KAZN: variants seen among roughly 807,000 people sequenced by gnomAD.
KAZN encodes kazrin.
KAZN carries 40 observed loss-of-function variants against 87.4 expected under a neutral mutation model. That is an observed-to-expected ratio of 0.46 (90% CI 0.36 to 0.60). The LOEUF (loss-of-function observed/expected upper bound fraction) is 0.60, where lower values mean the gene tolerates loss of function less well. KAZN is among the 20% of genes least tolerant of loss of function. The pLI, the probability that KAZN is intolerant of heterozygous loss-of-function variation, is 0.00. For synonymous variants in KAZN, 466 were observed against 458.3 expected (o/e 1.02, Z -0.22); for missense variants, 898 against 1,073.9 (o/e 0.84, Z 2.29).
At chr1:14,067,772 C>A (rs1428467209) in intron 1 of KAZN, among the ~76,000 whole-genome samples, 1 of 152,172 alleles carries the variant, frequency 6.6e-6, no homozygotes, top group African/African-American at 2.4e-5. Flanking sequence ...AGTTCTGGGG[C>A]AACCACAGCT....
chr1:14,360,302 A>G (rs879887045), intron 2 of KAZN, among the ~76,000 whole-genome samples: 2 of 152,148 alleles, frequency 1.3e-5, no homozygotes, highest in African/African-American at 2.4e-5. Context: ...GGTCATTTAC[A>G]TTCTTCTATA....
chr1:14,647,339 T>C (rs978859313), intron 1 of KAZN, among the ~76,000 whole-genome samples: 1 of 152,226 alleles, frequency 6.6e-6, no homozygotes. Flanking sequence ...CTAAATTTTC[T>C]GCTTCACACA....
At chr1:14,886,893 G>A (rs1236763668) in intron 1 of KAZN, among the ~76,000 whole-genome samples, 5 of 152,156 alleles carry the variant, frequency 3.3e-5, no homozygotes, top group African/African-American at 1.2e-4. Context: ...TAGTCGTTAA[G>A]AGCTCCATAG....
intron 1 of KAZN, among the ~76,000 whole-genome samples, chr1:14,895,389 T>C (rs536174656): frequency 6.6e-6 from 1 of 152,366 alleles, no homozygotes; most frequent in African/African-American, 2.4e-5. Context: ...TCTGGAGCTG[T>C]CGCAGCCTAA....
At chr1:14,523,926 T>C (rs80144479) in intron 2 of KAZN, among the ~76,000 whole-genome samples, 4,809 of 152,274 alleles carry the variant, frequency 0.032, 184 homozygotes, top group East Asian at 0.15. Context: ...TCAAATTGAA[T>C]AGCTAAGGGA....
At chr1:14,444,306 A>ATTT (rs35461813) in intron 2 of KAZN, among the ~76,000 whole-genome samples, 998 of 95,182 alleles carry the variant, frequency 0.01, 10 homozygotes, top group East Asian at 0.018. Flanking sequence ...TAAATTCATG[A>ATTT]TTTTTTTTTT....
At position 14,188,236 on chromosome 1, in the gene KAZN, T is replaced by A. The variant is rs1019099475; in HGVS notation, c.249+7644T>A. Among the ~76,000 whole-genome samples, 8 of 139,200 alleles carry A rather than the reference T, an allele frequency of 5.7e-5. 1 individual carries two copies. Among genetic ancestry groups the A allele is most frequent in the South Asian group, 4.7e-4 (2 of 4,258 alleles). The allele number at this position is 139,200 out of a possible 152,430, so 91.3% of individuals were successfully genotyped here. ...GTGTGTGTGTGTGTGTGTGTGTGTG[T>A]GAAAGAGAAGCCTTGTCTCATGCTT... is the stretch of plus-strand genomic sequence containing the variant. On this transcript the variant is annotated intron_variant, in intron 2 of 16. Transcript: ENST00000636203.
At chr1:14,827,122 G>A (rs948966092) in intron 1 of KAZN, among the ~76,000 whole-genome samples, 3 of 152,196 alleles carry the variant, frequency 2.0e-5, no homozygotes, top group Non-Finnish European at 4.4e-5. Flanking sequence ...AGAGGGATGG[G>A]CCCAGTCCTG....
intron 1 of KAZN, among the ~76,000 whole-genome samples, chr1:14,011,812 T>C (rs375385632): frequency 5.3e-5 from 8 of 152,312 alleles, no homozygotes; most frequent in South Asian, 2.1e-4. Context: ...TATTAATACA[T>C]GAATTAATAC....
intron 1 of KAZN, among the ~76,000 whole-genome samples, chr1:14,836,759 G>A (rs1388102029): frequency 6.6e-6 from 1 of 152,012 alleles, no homozygotes; most frequent in Admixed American, 6.5e-5. Flanking sequence ...ATTCCCCCAC[G>A]CCTTGCCTCT....
At chr1:14,094,700 A>C (rs146211255) in intron 1 of KAZN, among the ~76,000 whole-genome samples, 245 of 152,306 alleles carry the variant, frequency 1.6e-3, no homozygotes, top group African/African-American at 5.7e-3. Context: ...TATTTATGGA[A>C]TCTTTCTATT....
chr1:14,752,703 T>C (rs1644445977), intron 1 of KAZN, among the ~76,000 whole-genome samples: 1 of 152,138 alleles, frequency 6.6e-6, no homozygotes, highest in Admixed American at 6.5e-5. Context: ...CTCTTAATAC[T>C]ATCACATTGG....
intron 2 of KAZN, among the ~76,000 whole-genome samples, chr1:15,004,558 T>G (rs535054357): frequency 3.9e-5 from 6 of 152,220 alleles, no homozygotes; most frequent in Non-Finnish European, 8.8e-5. Flanking sequence ...TCAAATGAGA[T>G]GATGTGTGTA....
chr1:14,284,791 T>A (rs1653110641), intron 2 of KAZN, among the ~76,000 whole-genome samples: 1 of 152,162 alleles, frequency 6.6e-6, no homozygotes, highest in African/African-American at 2.4e-5. Context: ...AGTAAGTACG[T>A]CAGCAATTGT....
chr1:15,050,159 G>GATAGACA (rs201481507), intron 4 of KAZN, among the ~76,000 whole-genome samples: 1 of 131,238 alleles, frequency 7.6e-6, no homozygotes, highest in East Asian at 2.1e-4. Flanking sequence ...AGAATAGAAT[G>GATAGACA]GAATAGAATA....
chr1:14,610,944 T>C (rs1677769137), intron 1 of KAZN, among the ~76,000 whole-genome samples: 1 of 152,172 alleles, frequency 6.6e-6, no homozygotes, highest in East Asian at 1.9e-4. Context: ...AGCTAACCCG[T>C]TGGTTGTTTA....
chr1:14,819,491 T>TA (rs1646671987), intron 1 of KAZN, among the ~76,000 whole-genome samples: 1 of 152,042 alleles, frequency 6.6e-6, no homozygotes, highest in Non-Finnish European at 1.5e-5. Context: ...TGGGCAGCCT[T>TA]ACGAATAAAA....
chr1:14,298,478 T>C (rs1557624184), intron 2 of KAZN, among the ~76,000 whole-genome samples: 3 of 152,238 alleles, frequency 2.0e-5, no homozygotes, highest in Admixed American at 2.0e-4. Flanking sequence ...TTTTCCTTTA[T>C]GAGTTTAGAT....
rs143210030 is a variant in KAZN at position 14,380,678 on chromosome 1, CAAAAAG to C, written c.249+200095_249+200100del. On this transcript the variant is annotated intron_variant, in intron 2 of 16. Transcript: ENST00000636203. ...TTTGAAAATACACAGTCAGAGGAAA[CAAAAAG>C]AAAAAGAATAAAAAAGAATGAAGCA... 2.2e-3 allele frequency among the ~76,000 whole-genome samples: 337 copies of C among 151,646 alleles called. 1 individual carries two copies. The highest frequency in any genetic ancestry group is 7.2e-3 in the African/African-American group (296 of 41,358).
Sources: gnomAD v4.1 joint callset for allele counts (sites outside exome capture counted in the v4.1 genomes callset) on GRCh38, gnomAD v4.1.1 for gene constraint, MANE v1.5 for transcripts, NCBI Gene and HGNC (gene_info 2026-07-23, HGNC 2026-07-21) for gene names.